The following TMCO4 variants were observed in gnomAD, a reference collection of about 807,000 sequenced individuals.
The protein encoded by TMCO4 is transmembrane and coiled-coil domains 4.
In TMCO4, 58 loss-of-function variants were observed where a neutral mutation model predicts 64.7. The ratio of observed to expected loss-of-function variants is 0.90; its 90% CI spans 0.73 to 1.12. TMCO4 has a LOEUF of 1.12. TMCO4 is among the 50% of genes most tolerant of loss of function. The probability of loss-of-function intolerance (pLI) is 0.00; values close to 1 mark genes in which losing one functional copy is unlikely to be tolerated. For missense variants in TMCO4, 780 were observed against 825.9 expected, an observed-to-expected ratio of 0.94 and a Z score of 0.68; for synonymous variants, 325 against 346.1, an observed-to-expected ratio of 0.94 and a Z score of 0.68.
intron 13 of TMCO4, among the ~76,000 whole-genome samples, chr1:19,721,370 G>A (rs992458821): frequency 4.6e-5 from 7 of 152,208 alleles, no homozygotes; most frequent in East Asian, 1.9e-4. Flanking sequence ...GTGTGGGCAC[G>A]TGCTCCATTG....
intron 8 of TMCO4, 119 bp downstream of exon 8, chr1:19,747,044 C>A: frequency 1.0e-6 from 1 of 972,704 alleles, no homozygotes; most frequent in South Asian, 1.3e-5. Context: ...GACTACCTAC[C>A]ACATGCCAGG....
At chr1:19,685,710 C>CT (rs55783904) in intron 15 of TMCO4, among the ~76,000 whole-genome samples, 16 of 106,614 alleles carry the variant, frequency 1.5e-4, no homozygotes, top group South Asian at 1.4e-3. Flanking sequence ...AGGCCTGTTT[C>CT]TTTTTTTTTT....
chr1:19,790,772 C>T (rs1031750816), intron 2 of TMCO4, among the ~76,000 whole-genome samples: 5 of 152,106 alleles, frequency 3.3e-5, no homozygotes, highest in Admixed American at 6.5e-5. Flanking sequence ...GATCTAGAAC[C>T]GGAAATACCA....
At chr1:19,785,042 G>C (rs145336144) in intron 3 of TMCO4, among the ~76,000 whole-genome samples, 3 of 152,002 alleles carry the variant, frequency 2.0e-5, no homozygotes, top group Admixed American at 6.6e-5. Context: ...TCCCCACACC[G>C]GTCTTGTTCA....
chr1:19,729,000 G>C (rs1441613655), intron 13 of TMCO4, among the ~76,000 whole-genome samples: 2 of 152,200 alleles, frequency 1.3e-5, no homozygotes, highest in Non-Finnish European at 2.9e-5. Context: ...TCAGGAAGTA[G>C]AAGCTGCCAT....
intron 2 of TMCO4, among the ~76,000 whole-genome samples, chr1:19,792,741 A>G (rs2044106691): frequency 1.4e-5 from 2 of 145,788 alleles, no homozygotes; most frequent in African/African-American, 2.5e-5. Context: ...TCCCCCTTGG[A>G]GCAGTCAGTG....
rs1570842212 is a variant in TMCO4 at position 19,741,014 on chromosome 1, A to G, written c.878-73T>C. The G allele has an allele frequency of 2.1e-6, 3 of 1,448,608 alleles. No homozygotes were observed. In the East Asian group the frequency reaches 7.2e-5, roughly 35 times the overall value. 89.7% of individuals were successfully genotyped at this position (1,448,608 alleles called of 1,614,324 possible). On this transcript the variant is annotated intron_variant, in intron 10 of 15. Transcript: ENST00000294543. Reference sequence around the variant, plus strand: ...ATGCCCCACCCCAGTACCCCAGACAAGGAGCACCAGGACCACTCACCCTTG... The same window carrying G: ...ATGCCCCACCCCAGTACCCCAGACAGGGAGCACCAGGACCACTCACCCTTG...
intron 6 of TMCO4, among the ~76,000 whole-genome samples, chr1:19,756,017 C>A (rs2042240251): frequency 6.6e-6 from 1 of 152,122 alleles, no homozygotes; most frequent in Non-Finnish European, 1.5e-5. Context: ...GGGGCTGAGG[C>A]AGGCAGATCG....
chr1:19,702,736 C>T (rs1431313384), intron 13 of TMCO4, among the ~76,000 whole-genome samples: 3 of 152,194 alleles, frequency 2.0e-5, no homozygotes, highest in African/African-American at 7.2e-5. Flanking sequence ...TGCACACCAG[C>T]CTGGGTGACA....
chr1:19,769,803 C>G (rs567124974), intron 6 of TMCO4, among the ~76,000 whole-genome samples: 14 of 126,558 alleles, frequency 1.1e-4, no homozygotes, highest in Non-Finnish European at 2.3e-4. Flanking sequence ...GAATGGTAGA[C>G]AGCAGTGGTC....
intron 3 of TMCO4, among the ~76,000 whole-genome samples, chr1:19,785,105 C>T (rs918370278): frequency 2.0e-5 from 3 of 152,152 alleles, no homozygotes; most frequent in African/African-American, 7.2e-5. Context: ...CAGGCCCTTG[C>T]ACCTGCCATT....
chr1:19,701,869 T>C (rs1327826702), intron 13 of TMCO4, among the ~76,000 whole-genome samples: 1 of 152,142 alleles, frequency 6.6e-6, no homozygotes, highest in Non-Finnish European at 1.5e-5. Context: ...GTGGTTCACC[T>C]AGTGTTGGTA....
At chr1:19,725,957 C>T (rs1489923472) in intron 13 of TMCO4, among the ~76,000 whole-genome samples, 2 of 152,178 alleles carry the variant, frequency 1.3e-5, no homozygotes, top group African/African-American at 2.4e-5. Flanking sequence ...CGAGCCTTGC[C>T]GCACCCAAAG....
chr1:19,744,984 A>G (rs2041701607), intron 10 of TMCO4, among the ~76,000 whole-genome samples: 1 of 151,816 alleles, frequency 6.6e-6, no homozygotes, highest in Non-Finnish European at 1.5e-5. Flanking sequence ...ACATGGACAG[A>G]GAGGTGGATG....
chr1:19,773,121 G>A (rs547523711), intron 4 of TMCO4, among the ~76,000 whole-genome samples: 171 of 152,120 alleles, frequency 1.1e-3, no homozygotes, highest in Non-Finnish European at 2.0e-3. Context: ...ACCCAGGGGC[G>A]GCGGTTGCAG....
At chr1:19,722,975 G>A (rs912261955) in intron 13 of TMCO4, among the ~76,000 whole-genome samples, 2 of 152,104 alleles carry the variant, frequency 1.3e-5, no homozygotes, top group African/African-American at 2.4e-5. Flanking sequence ...TCAAGCGTGA[G>A]GACACTGATG....
chr1:19,701,178 A>ATTTATTT (rs1221542147), intron 13 of TMCO4: 1 of 177,980 alleles, frequency 5.6e-6, no homozygotes, highest in African/African-American at 2.5e-5. Flanking sequence ...TTTATTAATT[A>ATTTATTT]TTTATTTTTT....
intron 9 of TMCO4, 119 bp downstream of exon 9, chr1:19,746,337 C>A (rs1557556245): frequency 6.9e-7 from 1 of 1,445,490 alleles, no homozygotes; most frequent in South Asian, 1.3e-5. Context: ...GTGAGAAAAG[C>A]CACGTCTCCT....
chr1:19,700,704 C>T, intron 14 of TMCO4, 64 bp downstream of exon 14: 1 of 1,372,652 alleles, frequency 7.3e-7, no homozygotes, highest in Admixed American at 1.7e-5. Context: ...CAACACAGAG[C>T]CTGGGCATAC....
Sources: allele counts gnomAD v4.1 joint callset (sites outside exome capture counted in the v4.1 genomes callset), GRCh38; gene constraint gnomAD v4.1.1; transcripts MANE v1.5; gene names NCBI Gene and HGNC (gene_info 2026-07-23, HGNC 2026-07-21).